PCDHGB2: variants seen among roughly 807,000 people sequenced by gnomAD.
PCDHGB2 encodes the protein protocadherin gamma-B2.
In PCDHGB2, 55 loss-of-function variants were observed where a neutral mutation model predicts 59.3. The observed-to-expected ratio is 0.93, with a 90% CI of 0.75 to 1.16. PCDHGB2 has a LOEUF of 1.16. Among genes scored for constraint, PCDHGB2 ranks in the 50% most tolerant of loss-of-function variants. PCDHGB2 has a pLI of 0.00. For missense variants in PCDHGB2, 1,228 were observed against 1,198.5 expected, an observed-to-expected ratio of 1.02 and a Z score of -0.36; for synonymous variants, 516 against 512.0, an observed-to-expected ratio of 1.01 and a Z score of -0.11.
At position 141,491,111 on chromosome 5, in the gene PCDHGB2, A is replaced by G; in HGVS notation, c.2422-3696A>G. 1 of 1,614,162 alleles carries G rather than the reference A, an allele frequency of 6.2e-7. No individual in the cohort carries two copies. Among genetic ancestry groups the G allele is most frequent in the Non-Finnish European group, 8.5e-7 (1 of 1,180,026 alleles). Reference sequence around the variant, plus strand: ...CCAGGACTGTTCCTCGTGTCTACACACACTGGTGAGGTGCGCACAGCCCGG... The same window carrying G: ...CCAGGACTGTTCCTCGTGTCTACACGCACTGGTGAGGTGCGCACAGCCCGG... On this transcript the variant is annotated intron_variant, in intron 1 of 3. Transcript: ENST00000522605. This position sits in a 1 kb window ranked among gnomAD's most constrained non-coding sequence, Gnocchi z 6.9.
chr5:141,365,411 C>T (rs1763897064), intron 1 of PCDHGB2: 1 of 1,613,994 alleles, frequency 6.2e-7, no homozygotes, highest in South Asian at 1.1e-5. Context: ...TGAAGACTGT[C>T]TTCCCGGAAC....
At chr5:141,458,080 C>T (rs62379190) in intron 1 of PCDHGB2, among the ~76,000 whole-genome samples, 5,138 of 152,230 alleles carry the variant, frequency 0.034, 100 homozygotes, top group Middle Eastern at 0.088. Flanking sequence ...ACTATATTGC[C>T]GTAAGTTAAG....
At position 141,444,152 on chromosome 5, in the gene PCDHGB2, A is replaced by ATTTTTTTTTTT. The variant is rs747671382; in HGVS notation, c.2422-50629_2422-50619dup. 8.9e-5 allele frequency among the ~76,000 whole-genome samples: 3 copies of ATTTTTTTTTTT among 33,898 alleles called. 1 individual carries two copies. Among genetic ancestry groups the ATTTTTTTTTTT allele is most frequent in the African/African-American group, 4.2e-4 (3 of 7,184 alleles). 22.2% of individuals were successfully genotyped at this position (33,898 alleles called of 152,430 possible). On this transcript the variant is annotated intron_variant, in intron 1 of 3. Transcript: ENST00000522605. Reference sequence around the variant, plus strand: ...GATATGTGTCACTTGTGTGTACTGGATTTTTTTTTTTTTTTTTTTTTTTTT... The same window carrying ATTTTTTTTTTT: ...GATATGTGTCACTTGTGTGTACTGGATTTTTTTTTTTTTTTTTTTTTTTTTTTTTTTTTTTT...
intron 3 of PCDHGB2, among the ~76,000 whole-genome samples, chr5:141,506,138 G>T (rs983643755): frequency 6.6e-6 from 1 of 152,134 alleles, no homozygotes; most frequent in African/African-American, 2.4e-5. Flanking sequence ...AGGAGAAGAA[G>T]AATATCATTT....
intron 1 of PCDHGB2, chr5:141,400,584 A>G (rs745551734): frequency 1.9e-6 from 3 of 1,609,038 alleles, no homozygotes; most frequent in Non-Finnish European, 8.5e-7. Flanking sequence ...TATTTACATG[A>G]AACTATCGTA....
chr5:141,378,051 T>C (rs539609296), intron 1 of PCDHGB2: 1 of 152,310 alleles, frequency 6.6e-6, no homozygotes, highest in East Asian at 1.9e-4. Flanking sequence ...TCCTTATCTA[T>C]CTGACTCAAA....
chr5:141,485,938 A>G lies in PCDHGB2; in HGVS notation c.2422-8869A>G. The stretch of plus-strand genomic sequence containing the variant: ...ACAGGATTAGTGTGTTGGAGAGCGC[A>G]CCAGCGGGCATGGTGCTCATCCAGC... On this transcript the variant is annotated intron_variant, in intron 1 of 3. Transcript: ENST00000522605. The surrounding 1 kb of genome is among the most constrained non-coding windows in gnomAD (Gnocchi z 5.7). 6.2e-7 allele frequency: 1 copy of G among 1,614,162 alleles called. No individual in the cohort carries two copies. The highest frequency in any genetic ancestry group is 1.3e-5 in the African/African-American group (1 of 75,028).
Position 141,410,699 on chromosome 5 carries a change from A to C in PCDHGB2, c.2421+48143A>C, listed in dbSNP as rs760193148. On this transcript the variant is annotated intron_variant, in intron 1 of 3. Transcript: ENST00000522605. ...ATTTTAGGCATACTACTTTATTTTC[A>C]TATCTAGAATCATATGTTTAAAATC... The C allele has an allele frequency of 2.0e-6, 3 of 1,478,344 alleles. No homozygotes were observed. In the South Asian group the frequency reaches 4.0e-5, roughly 20 times the overall value. The allele number at this position is 1,478,344 out of a possible 1,614,324, so 91.6% of individuals were successfully genotyped here. A position where few individuals can be genotyped will look rare whatever the true frequency, so the allele number is the denominator to read the frequency against.
intron 1 of PCDHGB2, chr5:141,419,090 G>T: frequency 6.2e-7 from 1 of 1,613,922 alleles, no homozygotes; most frequent in Non-Finnish European, 8.5e-7. Flanking sequence ...TGAGGCCCTG[G>T]ATCGGGAGCA....
At chr5:141,418,316 A>G in intron 1 of PCDHGB2, 1 of 1,614,026 alleles carries the variant, frequency 6.2e-7, no homozygotes, top group Non-Finnish European at 8.5e-7. Context: ...GATGGGAACA[A>G]TTCTTGAGTC....
chr5:141,495,107 A>G (rs559621284), intron 2 of PCDHGB2, among the ~76,000 whole-genome samples: 1 of 152,166 alleles, frequency 6.6e-6, no homozygotes, highest in East Asian at 1.9e-4. Flanking sequence ...CACGACCGGC[A>G]CCTTTTCCTA....
chr5:141,403,109 G>A (rs754708762), intron 1 of PCDHGB2: 3 of 1,614,074 alleles, frequency 1.9e-6, no homozygotes. Context: ...CAAGGACCTG[G>A]CTCTGGAGCC....
intron 1 of PCDHGB2, chr5:141,371,384 T>C: frequency 2.5e-6 from 4 of 1,613,984 alleles, no homozygotes; most frequent in Non-Finnish European, 3.4e-6. Flanking sequence ...ACACTGCATA[T>C]TGTAAAGTAC....
chr5:141,466,118 G>A lies in PCDHGB2; in HGVS notation c.2422-28689G>A, dbSNP rs1299389265. ...GCCTGGGCAACAGAGTGAGACTCCA[G>A]CTCAAAAAAAAAATCAAGTGAAAAC... On this transcript the variant is annotated intron_variant, in intron 1 of 3. Coordinates refer to ENST00000522605, the MANE Select transcript of PCDHGB2 (RefSeq NM_018923.3). Among the ~76,000 whole-genome samples the A allele has an allele frequency of 2.0e-5, 3 of 151,096 alleles. No individual in the cohort carries two copies. The East Asian group carries it at 5.8e-4, about 29-fold the overall frequency.
rs1483845993 is a variant in PCDHGB2, at chr5:141,372,004, A to G, written c.2421+9448A>G. On this transcript the variant is annotated intron_variant, in intron 1 of 3. Transcript: ENST00000522605. ...GAGCTCACTCTGCAGGCCCGCGACC[A>G]GGGCTCGCCTACGCTCAGCGCCAAC... 5.0e-6 allele frequency: 8 copies of G among 1,613,122 alleles called. No homozygotes were observed. The highest frequency in any genetic ancestry group is 6.8e-6 in the Non-Finnish European group (8 of 1,179,734).
chr5:141,440,401 C>T (rs1023628115), intron 1 of PCDHGB2: 4 of 152,088 alleles, frequency 2.6e-5, no homozygotes, highest in African/African-American at 7.3e-5. Context: ...GAGAGGCAAT[C>T]GCACCACTGC....
chr5:141,457,959 T>C (rs1426112930), intron 1 of PCDHGB2, among the ~76,000 whole-genome samples: 3 of 152,208 alleles, frequency 2.0e-5, no homozygotes, highest in Admixed American at 2.0e-4. Flanking sequence ...CAAGCTTGAT[T>C]CCTTAAAGGG....
At chr5:141,375,139 A>G (rs1406415297) in intron 1 of PCDHGB2, 11 of 1,613,936 alleles carry the variant, frequency 6.8e-6, no homozygotes, top group Non-Finnish European at 9.3e-6. Context: ...TTACATCTGG[A>G]AGCAGAACAA....
intron 1 of PCDHGB2, chr5:141,382,678 C>T (rs1778365964): frequency 2.3e-6 from 1 of 439,006 alleles, no homozygotes; most frequent in African/African-American, 2.0e-5. Flanking sequence ...TGTTCACCAA[C>T]CAGGGAAAAA....
Sources: gnomAD v4.1 joint callset for allele counts (sites outside exome capture counted in the v4.1 genomes callset) on GRCh38, gnomAD v4.1.1 for gene constraint, Gnocchi (gnomAD v3.1) non-coding constraint, MANE v1.5 for transcripts, NCBI Gene and HGNC (gene_info 2026-07-23, HGNC 2026-07-21) for gene names.